Variants in MAFK observed in about 807,000 individuals in gnomAD.
The protein encoded by MAFK is MAF bZIP transcription factor K, also known as transcription factor MafK.
In MAFK, 1 loss-of-function variant was observed where a neutral mutation model predicts 9.2. The observed-to-expected ratio is 0.11, with a 90% CI of 0.04 to 0.52. The LOEUF is 0.52. Ranked by LOEUF, MAFK falls within the 20% of genes least tolerant of loss-of-function variation. MAFK has a pLI of 0.94. For synonymous variants in MAFK, 110 were observed against 107.4 expected, an observed-to-expected ratio of 1.02 and a Z score of -0.15; for missense variants, 207 against 236.0, an observed-to-expected ratio of 0.88 and a Z score of 0.81.
At chr7:1,536,855 C>G (rs1190024545) in intron 1 of MAFK, among the ~76,000 whole-genome samples, 2 of 152,210 alleles carry the variant, frequency 1.3e-5, no homozygotes, top group Non-Finnish European at 2.9e-5. Context: ...CGTGGCTGGT[C>G]CAGGCTTCCT....
At chr7:1,536,055 T>C (rs905793151) in intron 1 of MAFK, among the ~76,000 whole-genome samples, 1 of 152,198 alleles carries the variant, frequency 6.6e-6, no homozygotes, top group Non-Finnish European at 1.5e-5. Flanking sequence ...GCCTCTTCCA[T>C]CCGAAAACCA....
rs748987285 is a variant in MAFK, at chr7:1,540,224, T to G, written c.320T>G (p.Leu107Arg). The G allele has an allele frequency of 1.2e-6, 2 of 1,602,012 alleles. No homozygotes were observed. The highest frequency in any genetic ancestry group is 2.2e-5 in the South Asian group (2 of 89,116). ...AGCATGCGGCTGGAGCTGGACGCCC[T>G]GCGCTCCAAGTACGAGGCGCTGCAG... Reference protein sequence around the residue: ...NSSMRLELDALRSKYEALQTF... With the variant: ...NSSMRLELDARRSKYEALQTF... The change falls in exon 3 of 3, where the codon CTG becomes CGG. Residue 107 changes from leucine to arginine, a missense_variant. Leu to Arg is a moderately radical substitution (Grantham distance 102). Coordinates refer to ENST00000343242, the MANE Select transcript of MAFK (RefSeq NM_002360.4).
At chr7:1,539,103 C>A in intron 1 of MAFK, 46 bp from the exon 2 acceptor site, 1 of 1,510,804 alleles carries the variant, frequency 6.6e-7, no homozygotes, top group Non-Finnish European at 9.2e-7. Flanking sequence ...TCCGGCGCTG[C>A]CGGCCCTGAC....
At chr7:1,536,166 G>T (rs756906228) in intron 1 of MAFK, among the ~76,000 whole-genome samples, 2 of 152,162 alleles carry the variant, frequency 1.3e-5, no homozygotes, top group Non-Finnish European at 2.9e-5. Flanking sequence ...CCTTACTTAC[G>T]TCGGCTGCTG....
At chr7:1,531,844 G>A (rs1291081742) in intron 1 of MAFK, among the ~76,000 whole-genome samples, 2 of 152,212 alleles carry the variant, frequency 1.3e-5, no homozygotes, top group Admixed American at 6.5e-5. Flanking sequence ...CTCACACCGT[G>A]TGTGTCCGTG....
At position 1,539,934 on chromosome 7, in the gene MAFK, C is replaced by A. The variant is rs896026266; in HGVS notation, c.37-7C>A. On this transcript the variant is annotated splice_polypyrimidine_tract_variant and splice_region_variant and intron_variant, in intron 2 of 2. Coordinates refer to ENST00000343242, the MANE Select transcript of MAFK (RefSeq NM_002360.4). ...CCCGCCGCTGACCCCGCACTGTGGC[C>A]CCCCAGGTCAAGAAGGAGGCGGGCG... is the stretch of plus-strand genomic sequence containing the variant. 2.0e-6 allele frequency: 3 copies of A among 1,518,422 alleles called. No individual in the cohort carries two copies. Among genetic ancestry groups the A allele is most frequent in the Non-Finnish European group, 2.7e-6 (3 of 1,128,524 alleles). 94.1% of individuals were successfully genotyped at this position (1,518,422 alleles called of 1,614,324 possible).
rs559668774 is a variant in MAFK at position 1,540,380 on chromosome 7, G to A, written c.*5G>A. 65 of 1,517,496 alleles carry A rather than the reference G, an allele frequency of 4.3e-5. No homozygotes were observed. The highest frequency in any genetic ancestry group is 1.5e-4 in the South Asian group (12 of 77,602). 94.0% of individuals were successfully genotyped at this position (1,517,496 alleles called of 1,614,324 possible). On this transcript the variant is annotated 3_prime_UTR_variant, in exon 3 of 3. Transcript: ENST00000343242. Reference sequence around the variant, plus strand: ...CCCTTCTCGGCTGCATCCTAGTGCCGGCCGGGGGCGGGGGGTGGCGGGCGG... The same window carrying A: ...CCCTTCTCGGCTGCATCCTAGTGCCAGCCGGGGGCGGGGGGTGGCGGGCGG...
In MAFK at chr7:1,534,288, A is replaced by G. The variant is rs534115299; in HGVS notation, c.-45+3390A>G. 1.9e-4 allele frequency: 88 copies of G among 455,794 alleles called. No individual in the cohort carries two copies. Among genetic ancestry groups the G allele is most frequent in the Non-Finnish European group, 3.0e-4 (69 of 226,622 alleles). The allele number at this position is 455,794 out of a possible 1,614,324, so 28.2% of individuals were successfully genotyped here. On this transcript the variant is annotated intron_variant, in intron 1 of 2. Coordinates refer to ENST00000343242, the MANE Select transcript of MAFK (RefSeq NM_002360.4). The surrounding 1 kb of genome is among the most constrained non-coding windows in gnomAD (Gnocchi z 4.3). ...GGTCTCTGGGACCAGCTGGGCTGCA[A>G]TTAGTCGGTTGACACCTGTTTGACA...
intron 1 of MAFK, among the ~76,000 whole-genome samples, chr7:1,531,294 T>G (rs908753021): frequency 2.0e-5 from 3 of 149,528 alleles, no homozygotes; most frequent in Admixed American, 1.3e-4. Flanking sequence ...GTGCGGGCGG[T>G]GCGGGGAGGG....
chr7:1,540,544 G>C lies in MAFK; in HGVS notation c.*169G>C. On this transcript the variant is annotated 3_prime_UTR_variant, in exon 3 of 3. Coordinates refer to ENST00000343242, the MANE Select transcript of MAFK (RefSeq NM_002360.4). Reference sequence around the variant, plus strand: ...AAGAGACTGTATTGCAGGGTGAAGAGTGGGCTCCCGTGGGCCCAGAGCTGC... The same window carrying C: ...AAGAGACTGTATTGCAGGGTGAAGACTGGGCTCCCGTGGGCCCAGAGCTGC... 1.5e-6 allele frequency: 1 copy of C among 682,828 alleles called. No homozygotes were observed. The highest frequency in any genetic ancestry group is 2.0e-5 in the South Asian group (1 of 50,758). The allele number at this position is 682,828 out of a possible 1,614,324, so 42.3% of individuals were successfully genotyped here.
chr7:1,536,070 C>T (rs1784020242), intron 1 of MAFK, among the ~76,000 whole-genome samples: 1 of 152,256 alleles, frequency 6.6e-6, no homozygotes, highest in Admixed American at 6.5e-5. Context: ...AAACCAGTTA[C>T]CTGAGAGCTG....
intron 1 of MAFK, among the ~76,000 whole-genome samples, chr7:1,535,777 C>G (rs573104997): frequency 1.3e-5 from 2 of 152,340 alleles, no homozygotes; most frequent in South Asian, 2.1e-4. Context: ...GGGGGGAGCC[C>G]AGGGCTCTGA....
chr7:1,531,102 C>T (rs1326081626), intron 1 of MAFK, among the ~76,000 whole-genome samples: 2 of 148,254 alleles, frequency 1.3e-5, no homozygotes, highest in African/African-American at 4.9e-5. Flanking sequence ...CCCGCAGGCC[C>T]GGGGGCTTCC....
At chr7:1,533,748 AAG>A (rs1359265348) in intron 1 of MAFK, among the ~76,000 whole-genome samples, 2 of 151,754 alleles carry the variant, frequency 1.3e-5, no homozygotes, top group East Asian at 3.9e-4. Flanking sequence ...GGATGAGGAA[AAG>A]AGAGAGGGGC....
In MAFK at chr7:1,534,863, G is replaced by A. The variant is rs1380578680; in HGVS notation, c.-45+3965G>A. ...TCCACAGCCGGGACCGTTCAGAGGG[G>A]TCATCCAGCCGTCAGCTGCTCAACT... On this transcript the variant is annotated intron_variant, in intron 1 of 2. Coordinates refer to ENST00000343242, the MANE Select transcript of MAFK (RefSeq NM_002360.4). The surrounding 1 kb of genome is among the most constrained non-coding windows in gnomAD (Gnocchi z 4.3). 2 of 311,726 alleles carry A rather than the reference G, an allele frequency of 6.4e-6. No homozygotes were observed. Among genetic ancestry groups the A allele is most frequent in the Non-Finnish European group, 1.3e-5 (2 of 153,188 alleles). 19.3% of individuals were successfully genotyped at this position (311,726 alleles called of 1,614,324 possible).
intron 1 of MAFK, chr7:1,533,947 C>T (rs1239217826): frequency 3.5e-6 from 1 of 287,370 alleles, no homozygotes; most frequent in South Asian, 2.9e-5. Flanking sequence ...AGGGCGGGGA[C>T]TGGAGGGGGT....
At chr7:1,537,160 C>G (rs751428872) in intron 1 of MAFK, among the ~76,000 whole-genome samples, 1 of 152,258 alleles carries the variant, frequency 6.6e-6, no homozygotes, top group African/African-American at 2.4e-5. Flanking sequence ...AAGATCCCCA[C>G]GCTGAACTCT....
In MAFK at chr7:1,538,312, G is replaced by A. The variant is rs1222289553; in HGVS notation, c.-44-837G>A. On this transcript the variant is annotated intron_variant, in intron 1 of 2. Coordinates refer to ENST00000343242, the MANE Select transcript of MAFK (RefSeq NM_002360.4). ...ACGGTCAAATGCTCGGCAGGGCGGC[G>A]GCTCCCCCACCTCCCTGGTCTCTGG... 1.5e-5 allele frequency: 15 copies of A among 985,604 alleles called. No homozygotes were observed. In the Admixed American group the frequency reaches 1.8e-4, roughly 12 times the overall value. The allele number at this position is 985,604 out of a possible 1,614,324, so 61.1% of individuals were successfully genotyped here.
intron 1 of MAFK, chr7:1,538,370 C>T: frequency 1.0e-6 from 1 of 985,402 alleles, no homozygotes; most frequent in Non-Finnish European, 1.2e-6. Context: ...CCCTCAGGAA[C>T]CCCACACCCC....
Sources: gnomAD v4.1 joint callset for allele counts (sites outside exome capture counted in the v4.1 genomes callset) on GRCh38, gnomAD v4.1.1 for gene constraint, Gnocchi (gnomAD v3.1) non-coding constraint, MANE v1.5 for transcripts, NCBI Gene and HGNC (gene_info 2026-07-23, HGNC 2026-07-21) for gene names.